The following TOR1AIP2 variants were observed in gnomAD, a reference collection of about 807,000 sequenced individuals.
TOR1AIP2 encodes torsin-1A-interacting protein 2.
In TOR1AIP2, 20 loss-of-function variants were observed where a neutral mutation model predicts 32.6. That is an observed-to-expected ratio of 0.61 (90% CI 0.43 to 0.89). The LOEUF (loss-of-function observed/expected upper bound fraction) is 0.89. Among genes scored for constraint, TOR1AIP2 ranks in the 40% least tolerant of loss-of-function variants. TOR1AIP2 has a pLI of 0.00. For synonymous variants in TOR1AIP2, 214 were observed against 210.8 expected (o/e 1.02, Z -0.13); for missense variants, 456 against 553.8 (o/e 0.82, Z 1.77).
intron 2 of TOR1AIP2, among the ~76,000 whole-genome samples, chr1:179,870,132 T>C (rs1309043640): frequency 1.3e-5 from 2 of 152,146 alleles, no homozygotes; most frequent in Admixed American, 6.5e-5. Context: ...CACGGTGGTT[T>C]ACGCCTGTAA....
At chr1:179,848,772 C>T (rs1410243409) in intron 5 of TOR1AIP2, among the ~76,000 whole-genome samples, 1 of 152,128 alleles carries the variant, frequency 6.6e-6, no homozygotes, top group Non-Finnish European at 1.5e-5. Flanking sequence ...TACTCCGGCC[C>T]CATTACTTAA....
At chr1:179,848,481 T>C (rs1296822842) in intron 5 of TOR1AIP2, among the ~76,000 whole-genome samples, 1 of 152,134 alleles carries the variant, frequency 6.6e-6, no homozygotes, top group Admixed American at 6.5e-5. Context: ...GCAAGGAATA[T>C]AAGGTGAAGA....
chr1:179,872,099 AG>A (rs1041055805), intron 2 of TOR1AIP2, among the ~76,000 whole-genome samples: 1 of 152,234 alleles, frequency 6.6e-6, no homozygotes, highest in Admixed American at 6.5e-5. Flanking sequence ...ACCCAAGGTT[AG>A]AAAATAGCTG....
In TOR1AIP2 at chr1:179,846,460, T is replaced by C. The variant is rs200862426; in HGVS notation, c.1024A>G (p.Thr342Ala). ...TCCAGGTCAACCAACAGCTTGACCG[T>C]GTCACTGTCCTGCCAGGTCCTTCCA... ...GAGRTWQDSD[T>A]VKLLVDLELS... is the part of the protein sequence containing the mutation. Residue 342 changes from threonine to alanine, a missense_variant, in exon 7 of 7, where the codon ACG becomes GCG. Thr to Ala is a moderately conservative substitution (Grantham distance 58). Coordinates refer to ENST00000609928, the MANE Select transcript of TOR1AIP2 (RefSeq NM_001199260.2). 1.9e-6 allele frequency: 3 copies of C among 1,614,182 alleles called. No individual in the cohort carries two copies. In the African/African-American group the frequency reaches 4.0e-5, roughly 22 times the overall value.
Position 179,854,870 on chromosome 1 carries a change from AAAAC to A in TOR1AIP2, c.-146-2063_-146-2060del, listed in dbSNP as rs201608762. Among the ~76,000 whole-genome samples the A allele has an allele frequency of 6.5e-3, 994 of 152,264 alleles. 9 individuals carry two copies. The highest frequency in any genetic ancestry group is 0.022 in the African/African-American group (907 of 41,554). ...TGGGTGACACAGCAAGACTCTGTCA[AAAAC>A]AAACAAACAAACAAAAAACTTAAAG... On this transcript the variant is annotated intron_variant, in intron 3 of 6. Transcript: ENST00000609928.
At chr1:179,852,144 G>A (rs1014512971) in intron 4 of TOR1AIP2, among the ~76,000 whole-genome samples, 5 of 152,094 alleles carry the variant, frequency 3.3e-5, no homozygotes, top group Non-Finnish European at 5.9e-5. Context: ...ACTGGGTGTG[G>A]TGGCAGGCGC....
At chr1:179,876,228 A>C (rs1211705043) in intron 2 of TOR1AIP2, 2 of 152,242 alleles carry the variant, frequency 1.3e-5, no homozygotes, top group Non-Finnish European at 2.9e-5. Context: ...TGGAATACAG[A>C]AATTACTTCT....
At chr1:179,852,135 CTGGG>C (rs1426409493) in intron 4 of TOR1AIP2, among the ~76,000 whole-genome samples, 1 of 152,062 alleles carries the variant, frequency 6.6e-6, no homozygotes, top group Non-Finnish European at 1.5e-5. Flanking sequence ...CAAAAATTCA[CTGGG>C]TGTGGTGGCA....
chr1:179,848,213 G>A (rs374794161), intron 5 of TOR1AIP2, among the ~76,000 whole-genome samples: 7 of 151,990 alleles, frequency 4.6e-5, no homozygotes, highest in East Asian at 1.9e-4. Context: ...TAAATAGTGC[G>A]GCCAAACTTA....
At chr1:179,877,493 G>A (rs969365386) in intron 1 of TOR1AIP2, 120 bp from the exon 2 acceptor site, 1 of 151,318 alleles carries the variant, frequency 6.6e-6, no homozygotes, top group Admixed American at 6.6e-5. Flanking sequence ...GCTGTGGTGA[G>A]CTATGATCAC....
At chr1:179,871,410 T>C (rs917391612) in intron 2 of TOR1AIP2, among the ~76,000 whole-genome samples, 2 of 152,246 alleles carry the variant, frequency 1.3e-5, no homozygotes, top group Non-Finnish European at 2.9e-5. Context: ...CACTGAAATT[T>C]ACATCAACTA....
At chr1:179,866,987 A>G (rs546684744) in intron 2 of TOR1AIP2, among the ~76,000 whole-genome samples, 6 of 152,226 alleles carry the variant, frequency 3.9e-5, no homozygotes, top group African/African-American at 1.2e-4. Flanking sequence ...TCTTTTTGTA[A>G]ATTCTGAGAC....
At chr1:179,864,436 G>A in intron 3 of TOR1AIP2, 1 of 1,041,792 alleles carries the variant, frequency 9.6e-7, no homozygotes, top group South Asian at 3.9e-5. Flanking sequence ...GAAGCACACA[G>A]TATAGGACTT....
chr1:179,846,706 T>C lies in TOR1AIP2; in HGVS notation c.778A>G (p.Ser260Gly). 6.2e-7 allele frequency: 1 copy of C among 1,614,112 alleles called. No homozygotes were observed. The highest frequency in any genetic ancestry group is 1.6e-4 in the Middle Eastern group (1 of 6,062). Residue 260 changes from serine (S) to glycine (G), a missense_variant, in exon 7 of 7, where the codon AGC (serine) becomes GGC (glycine). By Grantham distance (56) the Ser-to-Gly change is moderately conservative. Coordinates refer to ENST00000609928, the MANE Select transcript of TOR1AIP2 (RefSeq NM_001199260.2). Reference protein sequence around the residue: ...PALEAFLAQFSQLEDKFPGQS... With the variant: ...PALEAFLAQFGQLEDKFPGQS... ...CCTGGAAATTTATCTTCCAATTGGC[T>C]AAACTGGGCCAAAAAGGCCTCCAAA...
intron 3 of TOR1AIP2, chr1:179,864,442 G>A (rs937731681): frequency 1.9e-6 from 2 of 1,045,884 alleles, no homozygotes; most frequent in South Asian, 7.7e-5. Context: ...CACAGTATAG[G>A]ACTTCCCCTC....
Position 179,843,624 on chromosome 1 carries a change from C to A in TOR1AIP2, c.*2447G>T, listed in dbSNP as rs916294819. 6.6e-6 allele frequency: 1 copy of A among 151,502 alleles called. No individual in the cohort carries two copies. The highest frequency in any genetic ancestry group is 1.5e-5 in the Non-Finnish European group (1 of 68,252). 9.4% of individuals were successfully genotyped at this position (151,502 alleles called of 1,614,324 possible). A position where few individuals can be genotyped will look rare whatever the true frequency, so the allele number is the denominator to read the frequency against. ...ATCACTTGAGGCCAGGAGTTCAAGA[C>A]CAGCCTAGGCAACACAGTAAGACCC... On this transcript the variant is annotated 3_prime_UTR_variant, in exon 7 of 7. Transcript: ENST00000609928.
intron 3 of TOR1AIP2, chr1:179,863,394 C>G (rs1023065383): frequency 1.0e-6 from 1 of 985,142 alleles, no homozygotes; most frequent in African/African-American, 1.7e-5. Flanking sequence ...TTGGGAAAGA[C>G]TTGATTCCCA....
intron 2 of TOR1AIP2, among the ~76,000 whole-genome samples, chr1:179,876,401 A>C (rs1029111592): frequency 5.3e-5 from 8 of 152,206 alleles, no homozygotes; most frequent in Admixed American, 4.6e-4. Context: ...AATAGTTCTT[A>C]AATGAGTCAC....
chr1:179,846,022 A>G lies in TOR1AIP2; in HGVS notation c.*49T>C, dbSNP rs773588333. On this transcript the variant is annotated 3_prime_UTR_variant, in exon 7 of 7. Transcript: ENST00000609928. The stretch of plus-strand genomic sequence containing the variant: ...CCATATAAATGGAAGGTCTTTAAAC[A>G]AACTTTTTCATAAACATATACCTTC... 6.5e-7 allele frequency: 1 copy of G among 1,543,206 alleles called. No homozygotes were observed. Among genetic ancestry groups the G allele is most frequent in the Non-Finnish European group, 8.7e-7 (1 of 1,143,526 alleles).
Sources: gnomAD v4.1 joint callset for allele counts (sites outside exome capture counted in the v4.1 genomes callset) on GRCh38, gnomAD v4.1.1 for gene constraint, MANE v1.5 for transcripts, NCBI Gene and HGNC (gene_info 2026-07-23, HGNC 2026-07-21) for gene names.